CDA: variants seen among roughly 807,000 people sequenced by gnomAD.
CDA encodes cytidine aminohydrolase.
Under a neutral mutation model 15.0 loss-of-function variants are expected in CDA, and 7 were observed. The ratio of observed to expected loss-of-function variants is 0.47; its 90% CI spans 0.26 to 0.87. CDA has a LOEUF of 0.87. Ranked by LOEUF, CDA falls within the 40% of genes least tolerant of loss-of-function variation. CDA has a pLI of 0.15. For missense variants in CDA, 159 were observed against 182.7 expected (o/e 0.87, Z 0.75); for synonymous variants, 58 against 73.0 (o/e 0.79, Z 1.05).
At chr1:20,594,205 T>C (rs532859623) in intron 1 of CDA, among the ~76,000 whole-genome samples, 1 of 152,326 alleles carries the variant, frequency 6.6e-6, no homozygotes, top group African/African-American at 2.4e-5. Flanking sequence ...AAAGACGGCC[T>C]TGCTATCGAG....
intron 3 of CDA, among the ~76,000 whole-genome samples, chr1:20,616,061 A>G (rs1160273574): frequency 6.6e-6 from 1 of 152,084 alleles, no homozygotes; most frequent in Non-Finnish European, 1.5e-5. Context: ...AGTGAAATGC[A>G]TGTCGTTATT....
intron 3 of CDA, among the ~76,000 whole-genome samples, chr1:20,617,358 C>G (rs2052822169): frequency 6.6e-6 from 1 of 152,142 alleles, no homozygotes; most frequent in Non-Finnish European, 1.5e-5. Flanking sequence ...ATTATGAAAC[C>G]ACGCATGTGC....
intron 1 of CDA, among the ~76,000 whole-genome samples, chr1:20,590,558 A>G (rs1235203744): frequency 1.3e-5 from 2 of 152,130 alleles, no homozygotes; most frequent in Non-Finnish European, 2.9e-5. Flanking sequence ...TCCTTTCCAG[A>G]TGGCACAGAA....
At chr1:20,612,022 C>G (rs899464239) in intron 2 of CDA, among the ~76,000 whole-genome samples, 2 of 152,044 alleles carry the variant, frequency 1.3e-5, no homozygotes, top group Non-Finnish European at 2.9e-5. Context: ...ACCACCACAC[C>G]TGGCTAATTT....
chr1:20,606,624 C>T (rs989555864), intron 2 of CDA, among the ~76,000 whole-genome samples: 3 of 152,122 alleles, frequency 2.0e-5, no homozygotes, highest in African/African-American at 7.2e-5. Context: ...GCAACACTCA[C>T]CTCTAGGTCC....
chr1:20,614,987 G>A (rs201787066), intron 3 of CDA, among the ~76,000 whole-genome samples: 1 of 151,810 alleles, frequency 6.6e-6, no homozygotes, highest in Non-Finnish European at 1.5e-5. Flanking sequence ...TCAGCCTCCC[G>A]AGTAGCTGGG....
chr1:20,589,145 C>A lies in CDA; in HGVS notation c.16C>A (p.Pro6Thr), dbSNP rs1285815761. The A allele has an allele frequency of 2.5e-6, 4 of 1,614,166 alleles. No homozygotes were observed. The South Asian group carries it at 4.4e-5, about 18-fold the overall frequency. Reference sequence around the variant, plus strand: ...GGGTACCAACATGGCCCAGAAGCGTCCTGCCTGCACCCTGAAGCCTGAGTG... The same window carrying A: ...GGGTACCAACATGGCCCAGAAGCGTACTGCCTGCACCCTGAAGCCTGAGTG... MAQKR[P>T]ACTLKPECVQ... Residue 6 changes from proline (P) to threonine (T), a missense_variant, in exon 1 of 4, where the codon CCT becomes ACT. Transcript: ENST00000375071.
chr1:20,594,848 C>T (rs370159951), intron 1 of CDA, among the ~76,000 whole-genome samples: 1 of 151,806 alleles, frequency 6.6e-6, no homozygotes, highest in Non-Finnish European at 1.5e-5. Context: ...AAATGGTCCA[C>T]GGAAACGGAG....
chr1:20,598,438 A>C (rs2052608708), intron 1 of CDA, among the ~76,000 whole-genome samples: 1 of 152,228 alleles, frequency 6.6e-6, no homozygotes, highest in African/African-American at 2.4e-5. Flanking sequence ...ATGACAAATA[A>C]ATTTCTGTCC....
chr1:20,601,145 C>G (rs1286310640), intron 1 of CDA, among the ~76,000 whole-genome samples: 1 of 152,224 alleles, frequency 6.6e-6, no homozygotes, highest in East Asian at 1.9e-4. Flanking sequence ...ACTGGCCAGA[C>G]TCCTTTCTTT....
At chr1:20,599,067 G>A (rs2052615881) in intron 1 of CDA, among the ~76,000 whole-genome samples, 1 of 152,184 alleles carries the variant, frequency 6.6e-6, no homozygotes, top group Non-Finnish European at 1.5e-5. Context: ...TTTTAGATAG[G>A]TGATCGGAGA....
At chr1:20,590,651 T>C (rs1441399421) in intron 1 of CDA, among the ~76,000 whole-genome samples, 1 of 152,214 alleles carries the variant, frequency 6.6e-6, no homozygotes, top group Non-Finnish European at 1.5e-5. Flanking sequence ...TCCACTTATG[T>C]ATCTGCCTCT....
Position 20,618,633 on chromosome 1 carries a change from C to T in CDA, c.*65C>T. ...GAACTTCATAAAGATGTCTCACAGC[C>T]CTGGGGACACCTGCCCAGTGGGCCC... On this transcript the variant is annotated 3_prime_UTR_variant, in exon 4 of 4. Transcript: ENST00000375071. The T allele has an allele frequency of 1.1e-6, 1 of 941,122 alleles. No individual in the cohort carries two copies. The highest frequency in any genetic ancestry group is 1.6e-5 in the African/African-American group (1 of 62,248). 58.3% of individuals were successfully genotyped at this position (941,122 alleles called of 1,614,324 possible). A position where few individuals can be genotyped will look rare whatever the true frequency, so the allele number is the denominator to read the frequency against.
intron 1 of CDA, among the ~76,000 whole-genome samples, chr1:20,601,142 A>C (rs1339478621): frequency 6.6e-6 from 1 of 152,244 alleles, no homozygotes; most frequent in African/African-American, 2.4e-5. Context: ...GGCACTGGCC[A>C]GACTCCTTTC....
chr1:20,611,328 G>A (rs555798477), intron 2 of CDA, among the ~76,000 whole-genome samples: 1 of 152,326 alleles, frequency 6.6e-6, no homozygotes, highest in African/African-American at 2.4e-5. Context: ...GTGGCTGCTG[G>A]CTTCACCTGT....
In CDA at chr1:20,613,880, G is replaced by A. The variant is rs762428847; in HGVS notation, c.305G>A (p.Cys102Tyr). The A allele has an allele frequency of 6.8e-6, 11 of 1,613,846 alleles. No individual in the cohort carries two copies. Among genetic ancestry groups the A allele is most frequent in the South Asian group, 3.3e-5 (3 of 91,080 alleles). ...QDDFISPCGA[C>Y]RQVMREFGTN... Reference sequence around the variant, plus strand: ...GATTTTATCTCTCCATGTGGGGCCTGCAGGCAAGTCATGAGAGAGGTAAGC... The same window carrying A: ...GATTTTATCTCTCCATGTGGGGCCTACAGGCAAGTCATGAGAGAGGTAAGC... Residue 102 changes from cysteine (C) to tyrosine (Y), a missense_variant, in exon 3 of 4, where the codon TGC becomes TAC. By Grantham distance (194) the Cys-to-Tyr change is radical (BLOSUM62 -2). Transcript: ENST00000375071.
At chr1:20,599,751 G>A (rs965568428) in intron 1 of CDA, among the ~76,000 whole-genome samples, 7 of 152,188 alleles carry the variant, frequency 4.6e-5, no homozygotes, top group African/African-American at 1.7e-4. Flanking sequence ...GGGTCACATA[G>A]CCCTACTGCC....
chr1:20,606,251 C>T (rs1033354019), intron 2 of CDA, among the ~76,000 whole-genome samples: 5 of 150,186 alleles, frequency 3.3e-5, no homozygotes, highest in African/African-American at 1.2e-4. Context: ...AGGAACATGG[C>T]GTGAACCCGG....
chr1:20,610,493 G>A (rs2052739791), intron 2 of CDA, among the ~76,000 whole-genome samples: 1 of 151,744 alleles, frequency 6.6e-6, no homozygotes, highest in Admixed American at 6.6e-5. Context: ...TAGAGACAGG[G>A]TTTCACCATG....
Sources: gnomAD v4.1 joint callset for allele counts (sites outside exome capture counted in the v4.1 genomes callset) on GRCh38, gnomAD v4.1.1 for gene constraint, MANE v1.5 for transcripts, NCBI Gene and HGNC (gene_info 2026-07-23, HGNC 2026-07-21) for gene names.